The following FGGY variants were observed in gnomAD, a reference collection of about 807,000 sequenced individuals.
The protein encoded by FGGY is FGGY carbohydrate kinase domain-containing protein.
FGGY carries 72 observed loss-of-function variants against 71.3 expected under a neutral mutation model. The observed-to-expected ratio is 1.01, with a 90% CI of 0.84 to 1.23. The LOEUF (loss-of-function observed/expected upper bound fraction) is 1.23, where lower values mean the gene tolerates loss of function less well. Among genes scored for constraint, FGGY ranks in the 50% most tolerant of loss-of-function variants. The pLI, the probability that FGGY is intolerant of heterozygous loss-of-function variation, is 0.00. For synonymous variants in FGGY, 251 were observed against 250.3 expected (o/e 1.00, Z -0.02); for missense variants, 668 against 682.3 (o/e 0.98, Z 0.23).
chr1:59,503,634 TATATA>T (rs1459727758), intron 6 of FGGY, among the ~76,000 whole-genome samples: 1 of 145,846 alleles, frequency 6.9e-6, no homozygotes, highest in Non-Finnish European at 1.5e-5. Context: ...ATGTATTATA[TATATA>T]ATATATATAC....
At position 59,390,791 on chromosome 1, in the gene FGGY, G is replaced by A. The variant is rs1253915136; in HGVS notation, c.554+11954G>A. On this transcript the variant is annotated intron_variant, in intron 5 of 15. Transcript: ENST00000303721. ...CCAGTATCACAGACACCAATTTATA[G>A]TCCAATGATAGTCACAAGGTAAAGG... Among the ~76,000 whole-genome samples the A allele has an allele frequency of 3.3e-5, 5 of 152,134 alleles. No individual in the cohort carries two copies. The East Asian group carries it at 7.7e-4, about 23-fold the overall frequency.
chr1:59,576,661 G>GAC (rs1364241928), intron 8 of FGGY, among the ~76,000 whole-genome samples: 3 of 134,642 alleles, frequency 2.2e-5, no homozygotes, highest in African/African-American at 8.5e-5. Flanking sequence ...ATTACAGACA[G>GAC]ACAGACAGAC....
intron 6 of FGGY, among the ~76,000 whole-genome samples, chr1:59,465,635 G>A (rs773550918): frequency 6.6e-6 from 1 of 152,172 alleles, no homozygotes; most frequent in African/African-American, 2.4e-5. Context: ...AATCTCCTCA[G>A]CTAATAAGCA....
chr1:59,493,854 CTTTACA>C (rs1325567552), intron 6 of FGGY, among the ~76,000 whole-genome samples: 14 of 152,140 alleles, frequency 9.2e-5, no homozygotes, highest in Middle Eastern at 3.2e-3. Context: ...AATAATTCCA[CTTTACA>C]TTTATTTTAT....
chr1:59,661,755 C>T (rs1475581866), intron 12 of FGGY, among the ~76,000 whole-genome samples: 1 of 151,588 alleles, frequency 6.6e-6, no homozygotes, highest in South Asian at 2.1e-4. Flanking sequence ...GAGTCTCGCT[C>T]TGTTGCCAGG....
chr1:59,749,648 A>C (rs533205942), intron 14 of FGGY, among the ~76,000 whole-genome samples: 10 of 152,162 alleles, frequency 6.6e-5, no homozygotes, highest in Non-Finnish European at 1.5e-4. Flanking sequence ...AATCCAATAC[A>C]CACCCCTGGC....
At chr1:59,713,326 G>A (rs548563315) in intron 14 of FGGY, among the ~76,000 whole-genome samples, 6 of 152,180 alleles carry the variant, frequency 3.9e-5, no homozygotes, top group East Asian at 1.9e-4. Context: ...CTTCCAAACC[G>A]TTCTACCCTC....
chr1:59,360,821 G>A (rs568626904), intron 4 of FGGY, among the ~76,000 whole-genome samples: 13 of 152,198 alleles, frequency 8.5e-5, no homozygotes, highest in South Asian at 2.1e-4. Context: ...CTTTTTAATC[G>A]TCCGGAAGAC....
At chr1:59,528,551 CA>C (rs1448092813) in intron 7 of FGGY, among the ~76,000 whole-genome samples, 8 of 152,296 alleles carry the variant, frequency 5.3e-5, no homozygotes, top group Middle Eastern at 3.4e-3. Flanking sequence ...ACCAAATGCT[CA>C]GCTCTAGGGA....
intron 5 of FGGY, among the ~76,000 whole-genome samples, chr1:59,408,211 A>G (rs2063052306): frequency 6.6e-6 from 1 of 152,192 alleles, no homozygotes; most frequent in African/African-American, 2.4e-5. Flanking sequence ...AAAATGGGAC[A>G]TTGCATAAAT....
At chr1:59,725,286 A>G (rs1356341015) in intron 14 of FGGY, among the ~76,000 whole-genome samples, 3 of 152,074 alleles carry the variant, frequency 2.0e-5, no homozygotes. Flanking sequence ...AGTTGACTCT[A>G]TTTGTGTCTA....
intron 14 of FGGY, among the ~76,000 whole-genome samples, chr1:59,679,843 T>A (rs2153986056): frequency 6.6e-6 from 1 of 152,318 alleles, no homozygotes; most frequent in East Asian, 1.9e-4. Flanking sequence ...TATAGCTTAT[T>A]TCACCAGTCC....
chr1:59,369,079 C>T lies in FGGY; in HGVS notation c.466-9670C>T, dbSNP rs191020372. On this transcript the variant is annotated intron_variant, in intron 4 of 15. Coordinates refer to ENST00000303721, the MANE Select transcript of FGGY (RefSeq NM_018291.5). Reference sequence around the variant, plus strand: ...AGTGGGCGCAGGTCAGTGGGTGCAGCGCACTGTGCGCAAGCCGAAGCAGGG... The same window carrying T: ...AGTGGGCGCAGGTCAGTGGGTGCAGTGCACTGTGCGCAAGCCGAAGCAGGG... Among the ~76,000 whole-genome samples, 112 of 152,266 alleles carry T rather than the reference C, an allele frequency of 7.4e-4. 1 individual carries two copies. Among genetic ancestry groups the T allele is most frequent in the African/African-American group, 2.6e-3 (106 of 41,568 alleles).
At chr1:59,746,692 C>T (rs2098200997) in intron 14 of FGGY, among the ~76,000 whole-genome samples, 1 of 152,042 alleles carries the variant, frequency 6.6e-6, no homozygotes, top group South Asian at 2.1e-4. Context: ...GATAGGGTTT[C>T]CCTATCTTGC....
intron 7 of FGGY, among the ~76,000 whole-genome samples, chr1:59,545,652 G>A (rs898749351): frequency 2.7e-5 from 4 of 148,314 alleles, no homozygotes; most frequent in Non-Finnish European, 5.9e-5. Context: ...TGATCTTTCT[G>A]GGTAGGAAGG....
intron 6 of FGGY, among the ~76,000 whole-genome samples, chr1:59,506,257 A>G (rs1289434780): frequency 2.0e-5 from 3 of 152,190 alleles, no homozygotes; most frequent in Non-Finnish European, 2.9e-5. Context: ...AGAGTACCCT[A>G]CACTGGATCC....
intron 8 of FGGY, among the ~76,000 whole-genome samples, chr1:59,585,901 G>A (rs143063207): frequency 0.12 from 18,681 of 152,064 alleles, 1,326 homozygotes; most frequent in South Asian, 0.3. Flanking sequence ...CAGCCAAAAG[G>A]CACATGAAAA....
chr1:59,505,973 CA>C (rs2094369321), intron 6 of FGGY, among the ~76,000 whole-genome samples: 1 of 151,960 alleles, frequency 6.6e-6, no homozygotes, highest in Non-Finnish European at 1.5e-5. Flanking sequence ...TCTGCCCATC[CA>C]AATGGGAATT....
chr1:59,543,936 C>T (rs780620182), intron 7 of FGGY, among the ~76,000 whole-genome samples: 6 of 152,192 alleles, frequency 3.9e-5, no homozygotes, highest in Non-Finnish European at 7.3e-5. Context: ...TGCTTTCTCC[C>T]AAGAGAAATT....
Sources: allele counts gnomAD v4.1 joint callset (sites outside exome capture counted in the v4.1 genomes callset), GRCh38; gene constraint gnomAD v4.1.1; transcripts MANE v1.5; gene names NCBI Gene and HGNC (gene_info 2026-07-23, HGNC 2026-07-21).